The following PTPN9 variants were observed in gnomAD, a reference collection of about 807,000 sequenced individuals.
PTPN9 encodes the protein protein tyrosine phosphatase non-receptor type 9.
Under a neutral mutation model 69.8 loss-of-function variants are expected in PTPN9, and 26 were observed. The observed-to-expected ratio is 0.37, with a 90% CI of 0.27 to 0.52. PTPN9 has a LOEUF of 0.52. Among genes scored for constraint, PTPN9 ranks in the 20% least tolerant of loss-of-function variants. PTPN9 has a pLI of 0.91. For synonymous variants in PTPN9, 274 were observed against 272.5 expected (o/e 1.01, Z -0.05); for missense variants, 549 against 740.3 (o/e 0.74, Z 3.00).
At chr15:75,537,443 TAAAAAAAAAA>T (rs71140168) in intron 1 of PTPN9, among the ~76,000 whole-genome samples, 1 of 20,350 alleles carries the variant, frequency 4.9e-5, no homozygotes, top group Non-Finnish European at 8.4e-5. Flanking sequence ...ATATCTTCCC[TAAAAAAAAAA>T]AAAAAAAAAA....
intron 4 of PTPN9, among the ~76,000 whole-genome samples, chr15:75,520,926 G>A (rs569891319): frequency 6.6e-6 from 1 of 151,218 alleles, no homozygotes; most frequent in African/African-American, 2.5e-5. Context: ...CAGGGCTCAG[G>A]TGATCCTCCC....
Position 75,568,646 on chromosome 15 carries a change from G to A in PTPN9, c.63+10068C>T, listed in dbSNP as rs533451617. Among the ~76,000 whole-genome samples the A allele has an allele frequency of 1.2e-3, 181 of 151,340 alleles. 6 individuals carry two copies. The highest frequency in any genetic ancestry group is 2.1e-3 in the South Asian group (10 of 4,800). ...ACACAAGAGTTCGGGACCAGCCTAG[G>A]CAAGAAAGCAATACCCCCATCTCTT... On this transcript the variant is annotated intron_variant, in intron 1 of 12. Coordinates refer to ENST00000618819, the MANE Select transcript of PTPN9 (RefSeq NM_002833.4).
intron 8 of PTPN9, chr15:75,480,784 A>T (rs966765059): frequency 5.9e-5 from 64 of 1,082,778 alleles, no homozygotes; most frequent in Non-Finnish European, 5.6e-5. Context: ...GCCGCCCGCG[A>T]GGCAGCGGCT....
At chr15:75,562,657 C>A (rs1377365970) in intron 1 of PTPN9, among the ~76,000 whole-genome samples, 3 of 151,934 alleles carry the variant, frequency 2.0e-5, no homozygotes, top group African/African-American at 7.2e-5. Context: ...CGGTGAAACC[C>A]CATCTCTACT....
At chr15:75,574,287 C>CAAA in intron 1 of PTPN9, among the ~76,000 whole-genome samples, 1 of 58,500 alleles carries the variant, frequency 1.7e-5, no homozygotes, top group Non-Finnish European at 3.6e-5. Context: ...CCTGTCTCCA[C>CAAA]AAAAAAAAAA....
intron 5 of PTPN9, among the ~76,000 whole-genome samples, chr15:75,514,849 T>C (rs2074861480): frequency 6.6e-6 from 1 of 152,178 alleles, no homozygotes; most frequent in Admixed American, 6.5e-5. Context: ...TACCACAAGA[T>C]ACCATCTCAT....
chr15:75,495,763 A>T (rs2074737482), intron 7 of PTPN9, among the ~76,000 whole-genome samples: 1 of 152,090 alleles, frequency 6.6e-6, no homozygotes, highest in South Asian at 2.1e-4. Context: ...CAAAAGAAAA[A>T]GAATGAGGAA....
rs1567502503 is a variant in PTPN9 at position 75,524,201 on chromosome 15, A to C, written c.297+8T>G. 2 of 1,580,408 alleles carry C rather than the reference A, an allele frequency of 1.3e-6. No individual in the cohort carries two copies. Among genetic ancestry groups the C allele is most frequent in the African/African-American group, 1.3e-5 (1 of 74,192 alleles). On this transcript the variant is annotated splice_region_variant and intron_variant, in intron 3 of 12. Coordinates refer to ENST00000618819, the MANE Select transcript of PTPN9 (RefSeq NM_002833.4). ...AAGGCCCTACAAGATAGGTCCCTAA[A>C]CACTCACTAAGATGGTGAATTTTCC... is the stretch of plus-strand genomic sequence containing the variant.
At position 75,464,711 on chromosome 15, in the gene PTPN9, A is replaced by ATG. The variant is rs1050600042; in HGVS notation, c.*4056_*4057dup. The ATG allele has an allele frequency of 1.3e-5, 2 of 152,102 alleles. No homozygotes were observed. Among genetic ancestry groups the ATG allele is most frequent in the Non-Finnish European group, 2.9e-5 (2 of 68,022 alleles). The allele number at this position is 152,102 out of a possible 1,614,324, so 9.4% of individuals were successfully genotyped here. On this transcript the variant is annotated 3_prime_UTR_variant, in exon 13 of 13. Transcript: ENST00000618819. ...GTCTCTGATTTATAAAAGTTTTTGT[A>ATG]TGTGTGTCTGTCTGTCCCAAGAGAC...
intron 7 of PTPN9, among the ~76,000 whole-genome samples, chr15:75,496,843 T>C (rs1483844435): frequency 6.6e-6 from 1 of 152,046 alleles, no homozygotes; most frequent in Non-Finnish European, 1.5e-5. Flanking sequence ...AGGGATGAAA[T>C]ACCAGGGGAA....
rs143368619 is a variant in PTPN9 at position 75,563,894 on chromosome 15, A to G, written c.63+14820T>C. ...CAAATATAGTTTGAATGAACAAACT[A>G]TATTTCTGCTTATGATCTAAAAAAA... On this transcript the variant is annotated intron_variant, in intron 1 of 12. Transcript: ENST00000618819. Among the ~76,000 whole-genome samples, 418 of 152,248 alleles carry G rather than the reference A, an allele frequency of 2.7e-3. 2 individuals are homozygous for G. Among genetic ancestry groups the G allele is most frequent in the South Asian group, 0.013 (64 of 4,820 alleles).
intron 1 of PTPN9, among the ~76,000 whole-genome samples, chr15:75,553,727 A>C (rs566835618): frequency 6.6e-6 from 1 of 152,236 alleles, no homozygotes; most frequent in East Asian, 1.9e-4. Flanking sequence ...CTTGCTGCTA[A>C]TCTGGCCCTG....
At chr15:75,513,352 G>C (rs1258572553) in intron 5 of PTPN9, 2 of 455,952 alleles carry the variant, frequency 4.4e-6, no homozygotes, top group Non-Finnish European at 8.8e-6. Flanking sequence ...TCAGTGAAGA[G>C]GCCTTTGGAG....
chr15:75,562,914 AGTTTGTTT>A (rs1330097730), intron 1 of PTPN9, among the ~76,000 whole-genome samples: 1 of 151,000 alleles, frequency 6.6e-6, no homozygotes, highest in Non-Finnish European at 1.5e-5. Flanking sequence ...AACATATTTT[AGTTTGTTT>A]TCTGTTTTTC....
intron 1 of PTPN9, among the ~76,000 whole-genome samples, chr15:75,544,276 A>G (rs2141331877): frequency 6.6e-6 from 1 of 152,308 alleles, no homozygotes; most frequent in Non-Finnish European, 1.5e-5. Flanking sequence ...GCTCACACCC[A>G]TAATCCCAAC....
chr15:75,489,174 C>CA (rs35540489), intron 8 of PTPN9, among the ~76,000 whole-genome samples: 26,240 of 62,628 alleles, frequency 0.42, 5,073 homozygotes, highest in African/African-American at 0.56. Flanking sequence ...GACTCCGTCT[C>CA]AAAAAAAAAA....
At chr15:75,517,495 A>G in intron 4 of PTPN9, 131 bp from the exon 5 acceptor site, 1 of 611,378 alleles carries the variant, frequency 1.6e-6, no homozygotes, top group Non-Finnish European at 2.8e-6. Flanking sequence ...CTGACTGCAC[A>G]CTGGTCTTAC....
At chr15:75,478,601 A>G (rs1389174180) in intron 9 of PTPN9, among the ~76,000 whole-genome samples, 1 of 152,188 alleles carries the variant, frequency 6.6e-6, no homozygotes, top group East Asian at 1.9e-4. Flanking sequence ...TTTAATCTAG[A>G]ACAGTTCTCT....
intron 1 of PTPN9, among the ~76,000 whole-genome samples, chr15:75,563,138 A>G (rs1486329500): frequency 6.6e-6 from 1 of 152,026 alleles, no homozygotes; most frequent in Non-Finnish European, 1.5e-5. Context: ...CTTTGTGTTC[A>G]TGTGTACTTA....
Sources: allele counts gnomAD v4.1 joint callset (sites outside exome capture counted in the v4.1 genomes callset), GRCh38; gene constraint gnomAD v4.1.1; transcripts MANE v1.5; gene names NCBI Gene and HGNC (gene_info 2026-07-23, HGNC 2026-07-21).